ZNF292: variants seen among roughly 807,000 people sequenced by gnomAD.
ZNF292 encodes the protein zinc finger protein 292.
In ZNF292, 26 loss-of-function variants were observed where a neutral mutation model predicts 217.9. The ratio of observed to expected loss-of-function variants is 0.12; its 90% CI spans 0.09 to 0.17. The LOEUF is 0.17. ZNF292 is among the 10% of genes least tolerant of loss of function. The pLI is 1.00. For synonymous variants in ZNF292, 1,257 were observed against 1,124.1 expected, an observed-to-expected ratio of 1.12 and a Z score of -2.37; for missense variants, 2,904 against 3,175.2, an observed-to-expected ratio of 0.91 and a Z score of 2.05.
chr6:87,175,246 C>T (rs536428767), intron 1 of ZNF292, among the ~76,000 whole-genome samples: 2 of 152,094 alleles, frequency 1.3e-5, no homozygotes, highest in South Asian at 4.1e-4. Flanking sequence ...TTTTTCCCCT[C>T]ATCGTTATTG....
chr6:87,167,966 C>T (rs1582372186), intron 1 of ZNF292, among the ~76,000 whole-genome samples: 1 of 152,266 alleles, frequency 6.6e-6, no homozygotes, highest in South Asian at 2.1e-4. Flanking sequence ...TTGAAGGCAC[C>T]TATCCTCACT....
intron 1 of ZNF292, among the ~76,000 whole-genome samples, chr6:87,212,700 T>C (rs1223262604): frequency 6.6e-6 from 1 of 152,206 alleles, no homozygotes; most frequent in Non-Finnish European, 1.5e-5. Context: ...GAATTCCAAA[T>C]TTTCTTGTAT....
intron 4 of ZNF292, among the ~76,000 whole-genome samples, chr6:87,226,829 C>T (rs1441191771): frequency 2.0e-5 from 3 of 151,754 alleles, no homozygotes; most frequent in African/African-American, 7.3e-5. Flanking sequence ...CAGGCATGCA[C>T]CACCATGCCC....
In ZNF292 at chr6:87,258,411, G is replaced by C; in HGVS notation, c.4782G>C (p.Gly1594=). The change falls in exon 8 of 8, where the codon GGG becomes GGC. Residue 1594 remains glycine (G), a synonymous_variant. Transcript: ENST00000369577. The part of the protein sequence containing the change: ...LCSSSFPNSG[G]PSQNFTSNSS... ...CTAGTTCATTTCCTAATTCTGGTGG[G>C]CCATCACAAAATTTTACCAGTAACA... The C allele has an allele frequency of 1.2e-6, 2 of 1,613,618 alleles. No homozygotes were observed. The highest frequency in any genetic ancestry group is 1.7e-6 in the Non-Finnish European group (2 of 1,179,770).
rs557054062 is a variant in ZNF292, at chr6:87,178,180, G to A, written c.168+22421G>A. On this transcript the variant is annotated intron_variant, in intron 1 of 7. Transcript: ENST00000369577. Reference sequence around the variant, plus strand: ...TTACGTGTTCCTCATTCTTTTTATTGAACTGTGTATGTTTTTCATAGTTTC... The same window carrying A: ...TTACGTGTTCCTCATTCTTTTTATTAAACTGTGTATGTTTTTCATAGTTTC... Among the ~76,000 whole-genome samples, 14 of 151,340 alleles carry A rather than the reference G, an allele frequency of 9.3e-5. No homozygotes were observed. The Middle Eastern group carries it at 0.01, about 110-fold the overall frequency.
intron 1 of ZNF292, chr6:87,169,796 G>T (rs1177973310): frequency 2.8e-6 from 1 of 357,944 alleles, no homozygotes; most frequent in South Asian, 2.0e-5. Context: ...ACAGATGTGC[G>T]CTACCATGCC....
intron 7 of ZNF292, among the ~76,000 whole-genome samples, chr6:87,246,704 A>G (rs1774605876): frequency 6.6e-6 from 1 of 152,124 alleles, no homozygotes; most frequent in Admixed American, 6.5e-5. Context: ...ATCTCTACTA[A>G]AGTAAGTACA....
chr6:87,235,562 A>C (rs534136100), intron 5 of ZNF292, among the ~76,000 whole-genome samples: 3 of 149,142 alleles, frequency 2.0e-5, no homozygotes, highest in Admixed American at 6.6e-5. Flanking sequence ...TCAAGTAAAA[A>C]TCTAGTAAAA....
chr6:87,253,212 T>A (rs1775022598), intron 7 of ZNF292, among the ~76,000 whole-genome samples: 2 of 134,040 alleles, frequency 1.5e-5, no homozygotes, highest in Non-Finnish European at 1.5e-5. Flanking sequence ...TGAGCCACCA[T>A]GCCCAGCCTT....
At chr6:87,209,104 A>ACCCCCCCCCCCCCCCC (rs5878022) in intron 1 of ZNF292, among the ~76,000 whole-genome samples, 1 of 137,304 alleles carries the variant, frequency 7.3e-6, no homozygotes, top group African/African-American at 3.0e-5. Context: ...CCCCACTTTC[A>ACCCCCCCCCCCCCCCC]CCCCCCCCTC....
In ZNF292 at chr6:87,239,672, CGGGGCGGCTGCCGGGCGG is replaced by C. The variant is rs1194588469; in HGVS notation, c.742-3802_742-3785del. Among the ~76,000 whole-genome samples the C allele has an allele frequency of 5.1e-3, 412 of 81,376 alleles. 24 individuals are homozygous for C. The highest frequency in any genetic ancestry group is 0.033 in the African/African-American group (390 of 11,836). The allele number at this position is 81,376 out of a possible 152,430, so 53.4% of individuals were successfully genotyped here. A position where few individuals can be genotyped will look rare whatever the true frequency, so the allele number is the denominator to read the frequency against. ...GCGGAGGGGCTCCTCACTTCTCAGA[CGGGGCGGCTGCCGGGCGG>C]AGGGGCTCCTCACCTCCCAGACGGG... On this transcript the variant is annotated intron_variant, in intron 5 of 7. Transcript: ENST00000369577.
chr6:87,239,752 T>C (rs138533207), intron 5 of ZNF292, among the ~76,000 whole-genome samples: 52,835 of 92,452 alleles, frequency 0.57, 17,846 homozygotes, highest in African/African-American at 0.84. Flanking sequence ...ACATCCCAGA[T>C]GGGGCGGTGG....
chr6:87,171,778 G>C (rs1771107535), intron 1 of ZNF292, among the ~76,000 whole-genome samples: 1 of 152,138 alleles, frequency 6.6e-6, no homozygotes, highest in Non-Finnish European at 1.5e-5. Flanking sequence ...AATCTCAATT[G>C]TAATGAAATA....
At chr6:87,190,753 A>G (rs1376524168) in intron 1 of ZNF292, among the ~76,000 whole-genome samples, 2 of 152,184 alleles carry the variant, frequency 1.3e-5, no homozygotes, top group African/African-American at 4.8e-5. Context: ...ATTTTCAAGA[A>G]GACTGGAGAA....
At chr6:87,204,872 G>A (rs925955790) in intron 1 of ZNF292, among the ~76,000 whole-genome samples, 4 of 151,918 alleles carry the variant, frequency 2.6e-5, no homozygotes, top group Non-Finnish European at 5.9e-5. Flanking sequence ...CCACATTTAG[G>A]ATTTTTAAAT....
At chr6:87,226,647 CTATATATA>C (rs1228112578) in intron 4 of ZNF292, among the ~76,000 whole-genome samples, 12 of 113,218 alleles carry the variant, frequency 1.1e-4, no homozygotes, top group East Asian at 2.4e-4. Context: ...ATCTATATAT[CTATATATA>C]TATAGATATA....
At chr6:87,199,417 AT>A (rs879695006) in intron 1 of ZNF292, among the ~76,000 whole-genome samples, 43 of 152,074 alleles carry the variant, frequency 2.8e-4, no homozygotes, top group Non-Finnish European at 5.7e-4. Context: ...ATTTATAAAC[AT>A]TTTTTTCTCA....
chr6:87,259,688 A>G lies in ZNF292; in HGVS notation c.6059A>G (p.Gln2020Arg), dbSNP rs1282057338. The change falls in exon 8 of 8, where the codon CAG becomes CGG. Residue 2020 changes from glutamine (Q) to arginine (R), a missense_variant. Gln to Arg is a conservative substitution (Grantham distance 43, BLOSUM62 1). Coordinates refer to ENST00000369577, the MANE Select transcript of ZNF292 (RefSeq NM_015021.3). The stretch of plus-strand genomic sequence containing the variant: ...ACAGAGGAAAATAAAAAGGAATCTC[A>G]GCCTGCTTTAGAATTGAGAGCAGAG... ...AMTEENKKES[Q>R]PALELRAETQ... 1.3e-6 allele frequency: 2 copies of G among 1,597,804 alleles called. No homozygotes were observed. Among genetic ancestry groups the G allele is most frequent in the Admixed American group, 1.7e-5 (1 of 57,340 alleles).
chr6:87,215,927 T>C lies in ZNF292; in HGVS notation c.193T>C (p.Trp65Arg). 1 of 1,599,628 alleles carries C rather than the reference T, an allele frequency of 6.3e-7. No individual in the cohort carries two copies. The highest frequency in any genetic ancestry group is 8.5e-7 in the Non-Finnish European group (1 of 1,175,624). ...GACACTCCTAGAATATGCAGAGAAA[T>C]GGAAAACTTCAGAAGATCCTTTACC... ...CQTLLEYAEK[W>R]KTSEDPLPLL... Residue 65 changes from tryptophan (W) to arginine (R), a missense_variant, in exon 2 of 8, where the codon TGG (tryptophan) becomes CGG (arginine). Physicochemically the swap from Trp to Arg is moderately radical, Grantham distance 101. Transcript: ENST00000369577.
Sources: gnomAD v4.1 joint callset for allele counts (sites outside exome capture counted in the v4.1 genomes callset) on GRCh38, gnomAD v4.1.1 for gene constraint, MANE v1.5 for transcripts, NCBI Gene and HGNC (gene_info 2026-07-23, HGNC 2026-07-21) for gene names.